The following ADAMTSL1 variants were observed in gnomAD, a reference collection of about 807,000 sequenced individuals.
ADAMTSL1 encodes the protein ADAMTS-like protein 1.
In ADAMTSL1, 126 loss-of-function variants were observed where a neutral mutation model predicts 201.8. That is an observed-to-expected ratio of 0.62 (90% CI 0.54 to 0.72). The LOEUF (loss-of-function observed/expected upper bound fraction) is 0.72, where lower values mean the gene tolerates loss of function less well. Among genes scored for constraint, ADAMTSL1 ranks in the 30% least tolerant of loss-of-function variants. The probability of loss-of-function intolerance (pLI) is 0.00; values close to 1 mark genes in which losing one functional copy is unlikely to be tolerated. For missense variants in ADAMTSL1, 2,679 were observed against 2,277.8 expected, an observed-to-expected ratio of 1.18 and a Z score of -3.59; for synonymous variants, 1,121 against 903.4, an observed-to-expected ratio of 1.24 and a Z score of -4.32.
chr9:18,882,329 A>G (rs1460047273), intron 23 of ADAMTSL1, among the ~76,000 whole-genome samples: 1 of 152,170 alleles, frequency 6.6e-6, no homozygotes, highest in African/African-American at 2.4e-5. Context: ...TTGATAGCAT[A>G]TGGCCCTTTT....
chr9:18,407,935 G>T (rs1818274003), intron 2 of ADAMTSL1, among the ~76,000 whole-genome samples: 1 of 152,142 alleles, frequency 6.6e-6, no homozygotes, highest in African/African-American at 2.4e-5. Flanking sequence ...CAATGTTATA[G>T]GGGATGTTTC....
At chr9:18,315,196 T>C (rs1563880911) in intron 2 of ADAMTSL1, among the ~76,000 whole-genome samples, 2 of 152,122 alleles carry the variant, frequency 1.3e-5, no homozygotes, top group Non-Finnish European at 2.9e-5. Context: ...AGAGTGCTGA[T>C]TGGAGCATTG....
intron 4 of ADAMTSL1, among the ~76,000 whole-genome samples, chr9:18,605,669 C>G (rs753132641): frequency 2.0e-5 from 3 of 152,164 alleles, no homozygotes; most frequent in African/African-American, 4.8e-5. Context: ...TGCATCACCC[C>G]GGTACTATAA....
At position 18,656,635 on chromosome 9, in the gene ADAMTSL1, A is replaced by AAAAAAAAG. The variant is rs1828694796; in HGVS notation, c.835-997_835-996insGAAAAAAA. The stretch of plus-strand genomic sequence containing the variant: ...CAGAGCAAGACTCCATCGCAAAAAA[A>AAAAAAAAG]AAAAAAAAAAGAAAATGTTAAGACT... On this transcript the variant is annotated intron_variant, in intron 7 of 28. Transcript: ENST00000380548. Among the ~76,000 whole-genome samples, 2 of 151,514 alleles carry AAAAAAAAG rather than the reference A, an allele frequency of 1.3e-5. 1 individual carries two copies. Among genetic ancestry groups the AAAAAAAAG allele is most frequent in the Non-Finnish European group, 2.9e-5 (2 of 67,846 alleles).
intron 19 of ADAMTSL1, among the ~76,000 whole-genome samples, chr9:18,791,074 A>G (rs1223097803): frequency 6.6e-5 from 10 of 152,230 alleles, no homozygotes; most frequent in African/African-American, 2.4e-4. Flanking sequence ...ACTGACAGAA[A>G]TCAGCAACTA....
chr9:18,379,768 T>C (rs1053293722), intron 2 of ADAMTSL1, among the ~76,000 whole-genome samples: 1 of 152,104 alleles, frequency 6.6e-6, no homozygotes. Context: ...AACTATGTCA[T>C]AGAACAAAAA....
At chr9:18,728,856 A>G (rs547789749) in intron 15 of ADAMTSL1, among the ~76,000 whole-genome samples, 2 of 152,346 alleles carry the variant, frequency 1.3e-5, no homozygotes, top group African/African-American at 4.8e-5. Context: ...TTTATGTCCT[A>G]TGGGCACTGA....
chr9:18,635,874 A>C lies in ADAMTSL1; in HGVS notation c.602-69A>C, dbSNP rs887960503. 5 of 1,356,742 alleles carry C rather than the reference A, an allele frequency of 3.7e-6. No homozygotes were observed. The African/African-American group carries it at 4.4e-5, about 12-fold the overall frequency. 84.0% of individuals were successfully genotyped at this position (1,356,742 alleles called of 1,614,324 possible). Reference sequence around the variant, plus strand: ...TTAAGGTATGGAAGTCAGTGCCTTTATTTAGAAGGCAATCAATAATTTTGT... The same window carrying C: ...TTAAGGTATGGAAGTCAGTGCCTTTCTTTAGAAGGCAATCAATAATTTTGT... On this transcript the variant is annotated intron_variant, in intron 5 of 28. Coordinates refer to ENST00000380548, the MANE Select transcript of ADAMTSL1 (RefSeq NM_001040272.6).
At chr9:18,524,131 A>C (rs199966907) in intron 2 of ADAMTSL1, among the ~76,000 whole-genome samples, 1 of 151,580 alleles carries the variant, frequency 6.6e-6, no homozygotes, top group Admixed American at 6.6e-5. Flanking sequence ...GCAGTGGTTT[A>C]TAGTTCTCCT....
intron 2 of ADAMTSL1, among the ~76,000 whole-genome samples, chr9:18,193,161 C>G (rs937733142): frequency 1.3e-5 from 2 of 152,024 alleles, no homozygotes; most frequent in African/African-American, 4.8e-5. Flanking sequence ...GAACTCATCC[C>G]CAGCAGATTC....
chr9:18,709,132 T>G (rs1832403852), intron 14 of ADAMTSL1, among the ~76,000 whole-genome samples: 1 of 152,228 alleles, frequency 6.6e-6, no homozygotes, highest in Admixed American at 6.5e-5. Context: ...GTTATGTCAC[T>G]GTGCCAAGGT....
intron 1 of ADAMTSL1, among the ~76,000 whole-genome samples, chr9:17,937,621 C>CATGTTAATCACTCAGGTACCTCT (rs377122481): frequency 6.6e-6 from 1 of 151,712 alleles, no homozygotes; most frequent in African/African-American, 2.4e-5. Flanking sequence ...ATTTAAATTC[C>CATGTTAATCACTCAGGTACCTCT]TAAAATCTTG....
At chr9:18,837,929 T>A (rs1336768281) in intron 23 of ADAMTSL1, among the ~76,000 whole-genome samples, 1 of 152,180 alleles carries the variant, frequency 6.6e-6, no homozygotes, top group Non-Finnish European at 1.5e-5. Flanking sequence ...ATCACATCTT[T>A]CCTACTGTAT....
chr9:18,125,805 T>A (rs1825707103), intron 1 of ADAMTSL1, among the ~76,000 whole-genome samples: 1 of 152,178 alleles, frequency 6.6e-6, no homozygotes, highest in African/African-American at 2.4e-5. Context: ...AAACTGTAGA[T>A]TTGCTCATTT....
intron 2 of ADAMTSL1, among the ~76,000 whole-genome samples, chr9:18,197,128 T>A (rs1422448007): frequency 6.6e-6 from 1 of 152,174 alleles, no homozygotes; most frequent in Non-Finnish European, 1.5e-5. Context: ...TTCAGAGTAA[T>A]GACTGAGTAA....
At chr9:18,615,677 A>C (rs10963671) in intron 4 of ADAMTSL1, among the ~76,000 whole-genome samples, 7,664 of 152,226 alleles carry the variant, frequency 0.05, 281 homozygotes, top group East Asian at 0.21. Flanking sequence ...AAATCATTCA[A>C]ATCTTAAGTT....
At chr9:18,427,376 T>C (rs1819271984) in intron 2 of ADAMTSL1, among the ~76,000 whole-genome samples, 1 of 152,192 alleles carries the variant, frequency 6.6e-6, no homozygotes, top group Non-Finnish European at 1.5e-5. Flanking sequence ...GAAAGCCACT[T>C]GATGGGTAGA....
chr9:18,787,857 T>C (rs1821793548), intron 19 of ADAMTSL1, among the ~76,000 whole-genome samples: 1 of 152,188 alleles, frequency 6.6e-6, no homozygotes, highest in Non-Finnish European at 1.5e-5. Flanking sequence ...AGTCATTTCA[T>C]GCAGAGGTTT....
intron 2 of ADAMTSL1, among the ~76,000 whole-genome samples, chr9:18,175,928 G>A (rs1346720130): frequency 7.0e-6 from 1 of 143,502 alleles, no homozygotes; most frequent in Admixed American, 7.2e-5. Flanking sequence ...GGGAATTTTA[G>A]TCCAAGTCTG....
Sources: gnomAD v4.1 joint callset for allele counts (sites outside exome capture counted in the v4.1 genomes callset) on GRCh38, gnomAD v4.1.1 for gene constraint, MANE v1.5 for transcripts, NCBI Gene and HGNC (gene_info 2026-07-23, HGNC 2026-07-21) for gene names.